The following MYO1E variants were observed in gnomAD, a reference collection of about 807,000 sequenced individuals.
MYO1E encodes myosin IE.
MYO1E carries 68 observed loss-of-function variants against 151.1 expected under a neutral mutation model. The ratio of observed to expected loss-of-function variants is 0.45; its 90% CI spans 0.37 to 0.55. MYO1E has a LOEUF of 0.55. Ranked by LOEUF, MYO1E falls within the 20% of genes least tolerant of loss-of-function variation. The probability of loss-of-function intolerance (pLI) is 0.00; values close to 1 mark genes in which losing one functional copy is unlikely to be tolerated. For missense variants in MYO1E, 1,363 were observed against 1,389.3 expected (o/e 0.98, Z 0.30); for synonymous variants, 601 against 501.7 (o/e 1.20, Z -2.64).
chr15:59,358,775 C>T (rs1160876504), intron 1 of MYO1E, among the ~76,000 whole-genome samples: 2 of 152,108 alleles, frequency 1.3e-5, no homozygotes, highest in Admixed American at 6.6e-5. Flanking sequence ...GAAAAATTTA[C>T]CACTTTGAAC....
At chr15:59,147,596 C>CAAAAAAA (rs748173480) in intron 26 of MYO1E, among the ~76,000 whole-genome samples, 35,270 of 65,598 alleles carry the variant, frequency 0.54, 11,555 homozygotes, top group Non-Finnish European at 0.64. Context: ...GACTCTGTCT[C>CAAAAAAA]AAAAAAAAAA....
intron 1 of MYO1E, among the ~76,000 whole-genome samples, chr15:59,278,311 G>C (rs1275187145): frequency 6.6e-6 from 1 of 152,144 alleles, no homozygotes; most frequent in African/African-American, 2.4e-5. Context: ...ATATTCTTAC[G>C]GTGAACAATG....
intron 1 of MYO1E, among the ~76,000 whole-genome samples, chr15:59,333,007 C>T (rs1214479446): frequency 6.6e-6 from 1 of 152,126 alleles, no homozygotes; most frequent in East Asian, 1.9e-4. Context: ...CAGAGATGTG[C>T]ATTCCAAATT....
rs1336731068 is a variant in MYO1E, at chr15:59,171,833, G to C, written c.2480+64C>G. On this transcript the variant is annotated intron_variant, in intron 22 of 27. Coordinates refer to ENST00000288235, the MANE Select transcript of MYO1E (RefSeq NM_004998.4). ...GCCCGGCCTTCCTCCTGGCTGTTTG[G>C]AACAGCGGACCGTGATGCTGAGGCG... 1.1e-5 allele frequency: 18 copies of C among 1,608,356 alleles called. No individual in the cohort carries two copies. In the Admixed American group the frequency reaches 2.5e-4, roughly 22 times the overall value.
chr15:59,349,818 T>G (rs1357026602), intron 1 of MYO1E, among the ~76,000 whole-genome samples: 1 of 152,222 alleles, frequency 6.6e-6, no homozygotes, highest in Admixed American at 6.5e-5. Context: ...AAGCATTTCC[T>G]TAACAGGCAA....
chr15:59,157,656 A>G lies in MYO1E; in HGVS notation c.2878+631T>C, dbSNP rs191255883. On this transcript the variant is annotated intron_variant, in intron 25 of 27. Transcript: ENST00000288235. ...GCCCCAGGAAGCTGGCAATTTGGGT[A>G]TGCCAAAGAGAAGCCATTAAGCGCT... 2.3e-3 allele frequency among the ~76,000 whole-genome samples: 350 copies of G among 152,366 alleles called. 3 individuals carry two copies. The highest frequency in any genetic ancestry group is 8.0e-3 in the African/African-American group (334 of 41,592).
intron 1 of MYO1E, among the ~76,000 whole-genome samples, chr15:59,312,374 C>T (rs371679991): frequency 3.9e-5 from 6 of 152,094 alleles, no homozygotes; most frequent in African/African-American, 9.7e-5. Flanking sequence ...GAACTTGGGC[C>T]GAGCCTGGAG....
At position 59,208,797 on chromosome 15, in the gene MYO1E, C is replaced by T. The variant is rs1422397404; in HGVS notation, c.1414G>A (p.Ala472Thr). The change falls in exon 14 of 28, where the codon GCG (alanine) becomes ACG (threonine). Residue 472 changes from alanine to threonine, a missense_variant. Coordinates refer to ENST00000288235, the MANE Select transcript of MYO1E (RefSeq NM_004998.4). ...ILDDVCATMH[A>T]VGEGADQTLL... ...GTCTGATCTGCCCCCTCACCCACCGCATGCATCGTGGCGCACACGTCATCC... is the reference window on the plus strand; with the variant it reads ...GTCTGATCTGCCCCCTCACCCACCGTATGCATCGTGGCGCACACGTCATCC... The T allele has an allele frequency of 6.2e-7, 1 of 1,614,238 alleles. No homozygotes were observed. Among genetic ancestry groups the T allele is most frequent in the Non-Finnish European group, 8.5e-7 (1 of 1,180,044 alleles).
chr15:59,203,983 C>T (rs2079817752), intron 15 of MYO1E, among the ~76,000 whole-genome samples: 1 of 152,200 alleles, frequency 6.6e-6, no homozygotes, highest in South Asian at 2.1e-4. Context: ...CAGATTTTGA[C>T]ATCAAGTGTG....
chr15:59,225,669 C>T (rs1185894337), intron 7 of MYO1E, among the ~76,000 whole-genome samples: 10 of 134,956 alleles, frequency 7.4e-5, no homozygotes, highest in African/African-American at 2.5e-4. Context: ...TTTTTTGAGA[C>T]GGAGTCTCAC....
intron 1 of MYO1E, among the ~76,000 whole-genome samples, chr15:59,341,796 T>C (rs1292716344): frequency 2.0e-5 from 3 of 152,202 alleles, no homozygotes; most frequent in African/African-American, 7.2e-5. Context: ...TTCCAAATAT[T>C]TGCTATTGTG....
chr15:59,293,208 AC>A (rs1471234675), intron 1 of MYO1E, among the ~76,000 whole-genome samples: 1 of 151,732 alleles, frequency 6.6e-6, no homozygotes, highest in African/African-American at 2.4e-5. Context: ...TTAGAATGAA[AC>A]CCCCTCCCAG....
At chr15:59,229,510 G>C (rs1173765286) in intron 6 of MYO1E, among the ~76,000 whole-genome samples, 1 of 152,172 alleles carries the variant, frequency 6.6e-6, no homozygotes, top group Non-Finnish European at 1.5e-5. Flanking sequence ...GGGATGACAG[G>C]AAATTTTATA....
intron 1 of MYO1E, among the ~76,000 whole-genome samples, chr15:59,363,262 C>T (rs1027433051): frequency 1.4e-4 from 21 of 152,196 alleles, no homozygotes; most frequent in African/African-American, 5.1e-4. Flanking sequence ...CAGGCGTGAG[C>T]CACCATGCCC....
chr15:59,328,658 C>G (rs957524105), intron 1 of MYO1E, among the ~76,000 whole-genome samples: 1 of 152,158 alleles, frequency 6.6e-6, no homozygotes, highest in Non-Finnish European at 1.5e-5. Flanking sequence ...ATGTTTTGAT[C>G]AACCTGCTAC....
intron 4 of MYO1E, among the ~76,000 whole-genome samples, chr15:59,237,430 C>T (rs2080073489): frequency 1.3e-5 from 2 of 152,194 alleles, no homozygotes; most frequent in African/African-American, 4.8e-5. Flanking sequence ...ATATAGTCTG[C>T]TCTTCAAAAT....
chr15:59,213,097 T>G (rs565146638), intron 12 of MYO1E, among the ~76,000 whole-genome samples: 1 of 151,550 alleles, frequency 6.6e-6, no homozygotes, highest in South Asian at 2.1e-4. Context: ...CTAAACAATA[T>G]GCTATCAGGA....
rs1159118413 is a variant in MYO1E at position 59,239,461 on chromosome 15, A to G, written c.333-2789T>C. Among the ~76,000 whole-genome samples, 9 of 151,548 alleles carry G rather than the reference A, an allele frequency of 5.9e-5. No homozygotes were observed. In the South Asian group the frequency reaches 1.7e-3, roughly 28 times the overall value. The stretch of plus-strand genomic sequence containing the variant: ...GAGAGAGCAAGCGTGAGCAAACCCT[A>G]TAAGAATTATAAAATAATATATATA... On this transcript the variant is annotated intron_variant, in intron 4 of 27. Transcript: ENST00000288235.
Position 59,281,279 on chromosome 15 carries a change from TC to T in MYO1E, c.4-8831del, listed in dbSNP as rs201748659. Among the ~76,000 whole-genome samples, 418 of 149,994 alleles carry T rather than the reference TC, an allele frequency of 2.8e-3. 2 individuals carry two copies. In the East Asian group the frequency reaches 0.029, roughly 10 times the overall value. Reference sequence around the variant, plus strand: ...CCTTTTCTTTTCTTTTTCTTTTCTTTCTTTTTTTTTTTCTGAGAAAGAGTCT... The same window carrying T: ...CCTTTTCTTTTCTTTTTCTTTTCTTTTTTTTTTTTTTCTGAGAAAGAGTCT... On this transcript the variant is annotated intron_variant, in intron 1 of 27. Transcript: ENST00000288235.
Sources: gnomAD v4.1 joint callset for allele counts (sites outside exome capture counted in the v4.1 genomes callset) on GRCh38, gnomAD v4.1.1 for gene constraint, MANE v1.5 for transcripts, NCBI Gene and HGNC (gene_info 2026-07-23, HGNC 2026-07-21) for gene names.